Variants in SLX4 observed in about 807,000 individuals in gnomAD.
SLX4 encodes the protein SLX4 structure-specific endonuclease subunit.
SLX4 carries 112 observed loss-of-function variants against 146.2 expected under a neutral mutation model. The ratio of observed to expected loss-of-function variants is 0.77; its 90% CI spans 0.66 to 0.90. SLX4 has a LOEUF of 0.90. SLX4 is among the 40% of genes least tolerant of loss of function. The pLI is 0.00. For missense variants in SLX4, 2,563 were observed against 2,392.7 expected (o/e 1.07, Z -1.49); for synonymous variants, 1,061 against 997.7 (o/e 1.06, Z -1.20).
Position 3,582,009 on chromosome 16 carries a change from C to T in SLX4, c.*333G>A, listed in dbSNP as rs1316419758. On this transcript the variant is annotated 3_prime_UTR_variant, in exon 15 of 15. Transcript: ENST00000294008. ...AGTGAGCCGAGATTGTGCCACTGCA[C>T]TCCAGCCTAGGTGACACAGCACGAC... 1.4e-5 allele frequency: 5 copies of T among 370,128 alleles called. No individual in the cohort carries two copies. The highest frequency in any genetic ancestry group is 2.5e-5 in the Non-Finnish European group (5 of 200,672). 22.9% of individuals were successfully genotyped at this position (370,128 alleles called of 1,614,324 possible).
At position 3,582,330 on chromosome 16, in the gene SLX4, G is replaced by C; in HGVS notation, c.*12C>G. On this transcript the variant is annotated 3_prime_UTR_variant, in exon 15 of 15. Transcript: ENST00000294008. The stretch of plus-strand genomic sequence containing the variant: ...GCTGATGGCAGGTTGGGGTGGGGTC[G>C]GGATGGCCCCATCAGTTCCGCTCCA... The C allele has an allele frequency of 1.2e-6, 2 of 1,606,036 alleles. No homozygotes were observed. Among genetic ancestry groups the C allele is most frequent in the Non-Finnish European group, 1.7e-6 (2 of 1,177,680 alleles).
At chr16:3,603,489 C>T (rs2040750563) in intron 3 of SLX4, among the ~76,000 whole-genome samples, 1 of 152,214 alleles carries the variant, frequency 6.6e-6, no homozygotes, top group East Asian at 1.9e-4. Context: ...CTCACATGTG[C>T]GTCCAGGACT....
intron 14 of SLX4, 134 bp downstream of exon 14, chr16:3,582,963 T>C: frequency 8.2e-7 from 1 of 1,217,630 alleles, no homozygotes; most frequent in Non-Finnish European, 1.2e-6. Flanking sequence ...CCCACCTGGT[T>C]TTCCCACAGG....
intron 5 of SLX4, among the ~76,000 whole-genome samples, chr16:3,600,375 G>A (rs1396505219): frequency 1.3e-5 from 2 of 152,098 alleles, no homozygotes. Flanking sequence ...AGAGGGTACC[G>A]ACTGTGGGAT....
chr16:3,605,946 C>CAAAAAA (rs1181232820), intron 3 of SLX4, among the ~76,000 whole-genome samples: 2 of 27,030 alleles, frequency 7.4e-5, no homozygotes, highest in Admixed American at 5.0e-4. Flanking sequence ...GACTCCATCT[C>CAAAAAA]AAAAAAAAAA....
Position 3,606,556 on chromosome 16 carries a change from G to T in SLX4, c.678C>A (p.His226Gln), listed in dbSNP as rs28516461. ...CCTCGAGGGAGCACTCTTCTGAAGC[G>T]TGTCTCAAACGCTCGGGGTCTGCTC... ...FKRADPERLR[H>Q]ASEECSLEAA... The change falls in exon 3 of 15, where the codon CAC (histidine) becomes CAA (glutamine). Residue 226 changes from histidine (H) to glutamine (Q), a missense_variant. Coordinates refer to ENST00000294008, the MANE Select transcript of SLX4 (RefSeq NM_032444.4). 2.5e-6 allele frequency: 4 copies of T among 1,613,996 alleles called. No homozygotes were observed. In the Admixed American group the frequency reaches 5.0e-5, roughly 20 times the overall value.
rs1024580926 is a variant in SLX4, at chr16:3,591,102, C to T, written c.2536G>A (p.Val846Met). ...ATTTCTTCCATTTCTGCTTCATTCA[C>T]GTTTTCTTGATCTTCTTCGTGGTCC... ...SKDHEEDQEN[V>M]NEAEMEEIYE... The change falls in exon 12 of 15, where the codon GTG (valine) becomes ATG (methionine). Residue 846 changes from valine (V) to methionine (M), a missense_variant. Physicochemically the swap from Val to Met is conservative, Grantham distance 21. Transcript: ENST00000294008. 9 of 1,614,096 alleles carry T rather than the reference C, an allele frequency of 5.6e-6. No individual in the cohort carries two copies. Among genetic ancestry groups the T allele is most frequent in the African/African-American group, 4.0e-5 (3 of 74,926 alleles).
chr16:3,586,147 C>A lies in SLX4; in HGVS notation c.4637-1276G>T, dbSNP rs200812035. On this transcript the variant is annotated intron_variant, in intron 12 of 14. Coordinates refer to ENST00000294008, the MANE Select transcript of SLX4 (RefSeq NM_032444.4). ...GACCCAGCAATTCCACTCCTAAGTACAGAACCAAGAAGAAGGAAAACATGT... is the reference window on the plus strand; with the variant it reads ...GACCCAGCAATTCCACTCCTAAGTAAAGAACCAAGAAGAAGGAAAACATGT... 2.0e-5 allele frequency among the ~76,000 whole-genome samples: 3 copies of A among 152,066 alleles called. No individual in the cohort carries two copies. In the East Asian group the frequency reaches 5.8e-4, roughly 29 times the overall value.
intron 3 of SLX4, among the ~76,000 whole-genome samples, chr16:3,604,183 G>C (rs942356206): frequency 1.4e-5 from 2 of 146,652 alleles, no homozygotes; most frequent in African/African-American, 5.1e-5. Context: ...AGTGAACCGA[G>C]ATTGTGCCAC....
At chr16:3,603,561 T>C (rs1331224728) in intron 3 of SLX4, among the ~76,000 whole-genome samples, 1 of 152,252 alleles carries the variant, frequency 6.6e-6, no homozygotes, top group East Asian at 1.9e-4. Flanking sequence ...CTGAGACTCC[T>C]CCGTGCTACT....
chr16:3,601,317 C>A, intron 4 of SLX4, 126 bp from the exon 5 acceptor site: 1 of 919,260 alleles, frequency 1.1e-6, no homozygotes, highest in Non-Finnish European at 1.7e-6. Flanking sequence ...ATCCCCTCTA[C>A]ACAGCCTGGC....
intron 11 of SLX4, among the ~76,000 whole-genome samples, chr16:3,591,720 T>C (rs1473912477): frequency 6.6e-6 from 1 of 151,982 alleles, no homozygotes; most frequent in Non-Finnish European, 1.5e-5. Context: ...GGCCGGGAGT[T>C]TGAGATCAGC....
intron 13 of SLX4, 120 bp downstream of exon 13, chr16:3,584,649 G>T: frequency 1.2e-6 from 1 of 821,354 alleles, no homozygotes; most frequent in Non-Finnish European, 2.2e-6. Context: ...GCCCAGGCCA[G>T]CTGCATCCAC....
intron 5 of SLX4, among the ~76,000 whole-genome samples, chr16:3,599,368 C>T (rs1282474910): frequency 6.6e-6 from 1 of 152,230 alleles, no homozygotes; most frequent in Non-Finnish European, 1.5e-5. Flanking sequence ...TCCAAGATGC[C>T]TTTGTTCACT....
intron 10 of SLX4, 30 bp downstream of exon 10, chr16:3,594,423 A>G (rs1213751153): frequency 6.2e-7 from 1 of 1,601,230 alleles, no homozygotes; most frequent in African/African-American, 1.3e-5. Context: ...GAGAGAGGAA[A>G]GGAGGGCACA....
Position 3,597,341 on chromosome 16 carries a change from C to G in SLX4, c.1683+38G>C. ...GCAGTTCTGGGATTGCCAACCTCCC[C>G]CAAAAGCCTATCCATGTGCCTGAGG... On this transcript the variant is annotated intron_variant, in intron 7 of 14. Transcript: ENST00000294008. This position sits in a 1 kb window ranked among gnomAD's most constrained non-coding sequence, Gnocchi z 4.4. The G allele has an allele frequency of 1.3e-5, 20 of 1,486,674 alleles. No homozygotes were observed. The highest frequency in any genetic ancestry group is 1.7e-5 in the Non-Finnish European group (19 of 1,114,760). 92.1% of individuals were successfully genotyped at this position (1,486,674 alleles called of 1,614,324 possible). A position where few individuals can be genotyped will look rare whatever the true frequency, so the allele number is the denominator to read the frequency against.
chr16:3,606,634 G>C lies in SLX4; in HGVS notation c.600C>G (p.Pro200=). Residue 200 remains proline (P), a synonymous_variant, in exon 3 of 15, where the codon CCC becomes CCG. Transcript: ENST00000294008. ...CCAATTGTGCTGTGCGGGGTTTGGA[G>C]GGACTTGGCACTGCTGTTGTCAAAC... The part of the protein sequence containing the change: ...PSCLTTAVPS[P]SKPRTAQLVL... The C allele has an allele frequency of 6.2e-7, 1 of 1,614,180 alleles. No homozygotes were observed. The highest frequency in any genetic ancestry group is 8.5e-7 in the Non-Finnish European group (1 of 1,180,046).
In SLX4 at chr16:3,589,656, CG is replaced by C; in HGVS notation, c.3981del (p.Val1328SerfsTer47). The part of the protein sequence containing the change: ...PPQTPSSCLT[P>X]VSPGTSDGRR... The stretch of plus-strand genomic sequence containing the variant: ...CTGCCGTCAGAAGTTCCTGGAGAGA[CG>C]GGAGTGAGGCATGAGGACGGTGTCT... On this transcript the variant is annotated frameshift_variant, in exon 12 of 15. Transcript: ENST00000294008. LOFTEE classifies it high-confidence loss of function. The surrounding 1 kb of genome is among the most constrained non-coding windows in gnomAD (Gnocchi z 6.2). 1 of 1,613,960 alleles carries C rather than the reference CG, an allele frequency of 6.2e-7. No homozygotes were observed. Among genetic ancestry groups the C allele is most frequent in the African/African-American group, 1.3e-5 (1 of 75,022 alleles).
chr16:3,600,568 T>G, intron 5 of SLX4: 1 of 208,938 alleles, frequency 4.8e-6, no homozygotes, highest in Non-Finnish European at 9.7e-6. Context: ...GAGGGCTCTT[T>G]TTCCCTCCAA....
Sources: gnomAD v4.1 joint callset for allele counts (sites outside exome capture counted in the v4.1 genomes callset) on GRCh38, gnomAD v4.1.1 for gene constraint, Gnocchi (gnomAD v3.1) non-coding constraint, MANE v1.5 for transcripts, NCBI Gene and HGNC (gene_info 2026-07-23, HGNC 2026-07-21) for gene names.